The following GALNTL6 variants were observed in gnomAD, a reference collection of about 807,000 sequenced individuals.
GALNTL6 encodes polypeptide N-acetylgalactosaminyltransferase like 6, also known as polypeptide N-acetylgalactosaminyltransferase-like 6.
GALNTL6 carries 46 observed loss-of-function variants against 73.7 expected under a neutral mutation model. That is an observed-to-expected ratio of 0.62 (90% CI 0.49 to 0.80). GALNTL6 has a LOEUF of 0.80. Ranked by LOEUF, GALNTL6 falls within the 30% of genes least tolerant of loss-of-function variation. The pLI, the probability that GALNTL6 is intolerant of heterozygous loss-of-function variation, is 0.00. For synonymous variants in GALNTL6, 259 were observed against 263.7 expected (o/e 0.98, Z 0.17); for missense variants, 604 against 755.0 (o/e 0.80, Z 2.34).
At chr4:172,338,423 A>G (rs1242153774) in intron 4 of GALNTL6, among the ~76,000 whole-genome samples, 1 of 151,412 alleles carries the variant, frequency 6.6e-6, no homozygotes, top group East Asian at 2.0e-4. Flanking sequence ...TTTTGTGTGA[A>G]TCGGATTTTT....
intron 10 of GALNTL6, among the ~76,000 whole-genome samples, chr4:172,982,841 G>T (rs1277538446): frequency 6.6e-6 from 1 of 152,088 alleles, no homozygotes; most frequent in Non-Finnish European, 1.5e-5. Flanking sequence ...TCTAGATGAG[G>T]TATAAATCCA....
chr4:172,670,949 C>A (rs1383143831), intron 5 of GALNTL6, among the ~76,000 whole-genome samples: 2 of 152,052 alleles, frequency 1.3e-5, no homozygotes, highest in African/African-American at 4.8e-5. Flanking sequence ...TGTTGAAGAT[C>A]ATACAAATTT....
intron 2 of GALNTL6, among the ~76,000 whole-genome samples, chr4:172,219,828 T>C (rs1055900318): frequency 3.9e-5 from 6 of 151,958 alleles, no homozygotes; most frequent in African/African-American, 1.4e-4. Context: ...AGATAGCCAA[T>C]ATAATGGAAA....
intron 7 of GALNTL6, among the ~76,000 whole-genome samples, chr4:172,871,782 T>TGTTTGTTTG (rs1348014742): frequency 7.2e-5 from 11 of 151,786 alleles, no homozygotes; most frequent in African/African-American, 2.4e-4. Flanking sequence ...TTTGTTTGTT[T>TGTTTGTTTG]GTTTTTTGGG....
At chr4:172,838,392 G>A (rs1743025158) in intron 7 of GALNTL6, among the ~76,000 whole-genome samples, 1 of 152,224 alleles carries the variant, frequency 6.6e-6, no homozygotes, top group Non-Finnish European at 1.5e-5. Context: ...CCACAGGGAT[G>A]TCCCAGGGTC....
chr4:171,849,590 TATG>T (rs1324404826), intron 2 of GALNTL6, among the ~76,000 whole-genome samples: 1 of 152,178 alleles, frequency 6.6e-6, no homozygotes, highest in Non-Finnish European at 1.5e-5. Context: ...TATGATAAAA[TATG>T]ATTTTACCTA....
At chr4:172,319,448 A>G (rs1740680617) in intron 4 of GALNTL6, among the ~76,000 whole-genome samples, 1 of 152,204 alleles carries the variant, frequency 6.6e-6, no homozygotes, top group Admixed American at 6.5e-5. Flanking sequence ...AATTTATCTC[A>G]TTTATAAAGA....
intron 2 of GALNTL6, among the ~76,000 whole-genome samples, chr4:171,956,537 T>C (rs987528507): frequency 6.6e-5 from 10 of 152,194 alleles, no homozygotes; most frequent in African/African-American, 2.4e-4. Context: ...AAAACTCATT[T>C]TTGGCTTTTT....
At chr4:172,997,974 C>T (rs931765221) in intron 10 of GALNTL6, among the ~76,000 whole-genome samples, 17 of 152,298 alleles carry the variant, frequency 1.1e-4, no homozygotes, top group African/African-American at 3.6e-4. Flanking sequence ...CACATATAAA[C>T]CTAAGGGCCC....
chr4:172,618,548 A>C (rs1036902431), intron 5 of GALNTL6, among the ~76,000 whole-genome samples: 1 of 152,204 alleles, frequency 6.6e-6, no homozygotes, highest in Non-Finnish European at 1.5e-5. Context: ...AATGAAAATC[A>C]TGGGAAATGG....
intron 5 of GALNTL6, among the ~76,000 whole-genome samples, chr4:172,623,250 A>G (rs975137339): frequency 6.6e-6 from 1 of 152,146 alleles, no homozygotes; most frequent in African/African-American, 2.4e-5. Flanking sequence ...GTTAAAAAGG[A>G]GTGCTTCAGG....
chr4:172,999,748 AT>A lies in GALNTL6; in HGVS notation c.1372-9429del, dbSNP rs561557570. On this transcript the variant is annotated intron_variant, in intron 10 of 12. Transcript: ENST00000506823. ...TTTTATTTAAAATGTCTAAACACATATCTTCTTTTGAATACATATTATATAT... is the reference window on the plus strand; with the variant it reads ...TTTTATTTAAAATGTCTAAACACATACTTCTTTTGAATACATATTATATAT... Among the ~76,000 whole-genome samples the A allele has an allele frequency of 1.3e-3, 162 of 126,606 alleles. 1 individual carries two copies. Among genetic ancestry groups the A allele is most frequent in the African/African-American group, 4.1e-3 (143 of 34,700 alleles). 83.1% of individuals were successfully genotyped at this position (126,606 alleles called of 152,430 possible).
intron 5 of GALNTL6, among the ~76,000 whole-genome samples, chr4:172,583,810 A>G (rs902555151): frequency 2.7e-5 from 4 of 149,800 alleles, no homozygotes; most frequent in Non-Finnish European, 5.9e-5. Context: ...GGCAGGAGAA[A>G]CACTTGAACC....
intron 3 of GALNTL6, among the ~76,000 whole-genome samples, chr4:172,290,489 G>A (rs1392968773): frequency 1.3e-5 from 2 of 151,962 alleles, no homozygotes; most frequent in African/African-American, 2.4e-5. Context: ...TAGCCCTTAG[G>A]TTTGCCCTTA....
At chr4:172,790,838 G>T (rs536135962) in intron 5 of GALNTL6, among the ~76,000 whole-genome samples, 1 of 148,364 alleles carries the variant, frequency 6.7e-6, no homozygotes, top group Admixed American at 6.8e-5. Flanking sequence ...GGCAGAGGTT[G>T]CAGTGAGCCA....
intron 3 of GALNTL6, among the ~76,000 whole-genome samples, chr4:172,271,491 A>G (rs1004831319): frequency 2.6e-5 from 4 of 152,156 alleles, no homozygotes; most frequent in African/African-American, 9.6e-5. Flanking sequence ...ACTTATATAT[A>G]CAAACATACA....
chr4:172,563,698 C>T (rs1320456122), intron 5 of GALNTL6, among the ~76,000 whole-genome samples: 2 of 152,282 alleles, frequency 1.3e-5, no homozygotes, highest in East Asian at 3.9e-4. Context: ...AACAGTCAGA[C>T]CTACATTCTT....
intron 5 of GALNTL6, among the ~76,000 whole-genome samples, chr4:172,481,985 G>A (rs1733501334): frequency 6.6e-6 from 1 of 152,334 alleles, no homozygotes; most frequent in South Asian, 2.1e-4. Flanking sequence ...ACCGCAGGGG[G>A]CTCAGACATG....
intron 10 of GALNTL6, among the ~76,000 whole-genome samples, chr4:173,006,889 T>TA (rs1752324050): frequency 6.6e-6 from 1 of 152,220 alleles, no homozygotes; most frequent in Non-Finnish European, 1.5e-5. Context: ...GAGAAATCTG[T>TA]AGGCAAAACC....
Sources: allele counts gnomAD v4.1 joint callset (sites outside exome capture counted in the v4.1 genomes callset), GRCh38; gene constraint gnomAD v4.1.1; transcripts MANE v1.5; gene names NCBI Gene and HGNC (gene_info 2026-07-23, HGNC 2026-07-21).